Variants in MYBL1 observed in about 807,000 individuals in gnomAD.
The protein encoded by MYBL1 is myb-related protein A.
A neutral mutation model predicts 96.3 loss-of-function variants in MYBL1; 17 were observed. The observed-to-expected ratio is 0.18, with a 90% CI of 0.12 to 0.26. MYBL1 has a LOEUF of 0.26. Ranked by LOEUF, MYBL1 falls within the 10% of genes least tolerant of loss-of-function variation. The probability of loss-of-function intolerance (pLI) is 1.00; values close to 1 mark genes in which losing one functional copy is unlikely to be tolerated. For missense variants in MYBL1, 701 were observed against 882.9 expected, an observed-to-expected ratio of 0.79 and a Z score of 2.61; for synonymous variants, 282 against 292.7, an observed-to-expected ratio of 0.96 and a Z score of 0.37.
At chr8:66,566,833 G>A in intron 13 of MYBL1, 43 bp downstream of exon 13, 2 of 1,577,756 alleles carry the variant, frequency 1.3e-6, no homozygotes, top group Non-Finnish European at 1.7e-6. Context: ...AAAGTCTCTT[G>A]GATACAATAA....
At position 66,597,398 on chromosome 8, in the gene MYBL1, C is replaced by T. The variant is rs369808882; in HGVS notation, c.444G>A (p.Arg148=). The change falls in exon 5 of 16, where the codon AGG becomes AGA. Residue 148 remains arginine (R), a synonymous_variant. Coordinates refer to ENST00000522677, the MANE Select transcript of MYBL1 (RefSeq NM_001080416.4). ...ACCGCTTATGTGCTTCATAGATGAT[C>T]CTGTCCTCCTCTTCTGTCCAGGAAG... is the stretch of plus-strand genomic sequence containing the variant. The part of the protein sequence containing the change: ...KKSSWTEEED[R]IIYEAHKRLG... 6 of 1,612,594 alleles carry T rather than the reference C, an allele frequency of 3.7e-6. No homozygotes were observed. The African/African-American group carries it at 5.3e-5, about 14-fold the overall frequency.
At position 66,566,863 on chromosome 8, in the gene MYBL1, A is replaced by G. The variant is rs72652786; in HGVS notation, c.1845+13T>C. The G allele has an allele frequency of 0.013, 20,117 of 1,594,966 alleles. 162 individuals are homozygous for G. Among genetic ancestry groups the G allele is most frequent in the Non-Finnish European group, 0.015 (17,289 of 1,163,536 alleles). On this transcript the variant is annotated intron_variant, in intron 13 of 15. Coordinates refer to ENST00000522677, the MANE Select transcript of MYBL1 (RefSeq NM_001080416.4). ...CAATAAGACTTTTATTAACAATAAT[A>G]CTAGAAGATTACCTCTTGTTTGCAG...
intron 10 of MYBL1, 68 bp from the exon 11 acceptor site, chr8:66,573,574 A>T: frequency 7.7e-7 from 1 of 1,294,944 alleles, no homozygotes; most frequent in Non-Finnish European, 1.0e-6. Context: ...TATTAAACTG[A>T]TAAGATTTTC....
chr8:66,570,995 AG>A (rs1808707531), intron 12 of MYBL1, among the ~76,000 whole-genome samples: 1 of 152,198 alleles, frequency 6.6e-6, no homozygotes. Flanking sequence ...TTTGAAAAAA[AG>A]ACTAGAAGAT....
chr8:66,594,927 T>C (rs1809791908), intron 6 of MYBL1, among the ~76,000 whole-genome samples: 2 of 152,170 alleles, frequency 1.3e-5, no homozygotes, highest in Admixed American at 1.3e-4. Context: ...AACCAAGAAT[T>C]GCTCATTGTG....
chr8:66,608,455 T>C (rs1328255684), intron 1 of MYBL1, among the ~76,000 whole-genome samples: 1 of 152,108 alleles, frequency 6.6e-6, no homozygotes, highest in Non-Finnish European at 1.5e-5. Context: ...ATATGAGTAT[T>C]GAAAAGACAA....
chr8:66,568,876 T>G (rs957130110), intron 12 of MYBL1, among the ~76,000 whole-genome samples: 1 of 151,670 alleles, frequency 6.6e-6, no homozygotes, highest in Non-Finnish European at 1.5e-5. Context: ...AATACAAAAA[T>G]TAGCCAGGGT....
Position 66,596,489 on chromosome 8 carries a change from A to G in MYBL1, c.513-732T>C, listed in dbSNP as rs115111406. Among the ~76,000 whole-genome samples the G allele has an allele frequency of 2.3e-3, 353 of 152,304 alleles. 2 individuals carry two copies. The highest frequency in any genetic ancestry group is 7.0e-3 in the African/African-American group (293 of 41,584). On this transcript the variant is annotated intron_variant, in intron 5 of 15. Transcript: ENST00000522677. ...CACTAAGCTAGGTTCTATGAAAAGT[A>G]AGAAGACGTATAAGAGATTAAAAGC...
intron 12 of MYBL1, among the ~76,000 whole-genome samples, chr8:66,568,291 T>C (rs1197319649): frequency 6.6e-6 from 1 of 152,138 alleles, no homozygotes; most frequent in Non-Finnish European, 1.5e-5. Flanking sequence ...TACTTATTTA[T>C]TTATTGAGAT....
At chr8:66,575,977 T>G in intron 10 of MYBL1, 30 bp downstream of exon 10, 1 of 1,584,288 alleles carries the variant, frequency 6.3e-7, no homozygotes, top group East Asian at 2.2e-5. Context: ...CATTGACATT[T>G]AGAAACATAA....
In MYBL1 at chr8:66,588,560, G is replaced by A. The variant is rs111390434; in HGVS notation, c.867+3880C>T. Among the ~76,000 whole-genome samples the A allele has an allele frequency of 9.8e-3, 1,484 of 152,078 alleles. 21 individuals are homozygous for A. Among genetic ancestry groups the A allele is most frequent in the African/African-American group, 0.034 (1,401 of 41,466 alleles). ...CTCCCAAAGTGTTGGGATTACAGGCGTTGAGTCACTACATTCGGCCCTAAA... is the reference window on the plus strand; with the variant it reads ...CTCCCAAAGTGTTGGGATTACAGGCATTGAGTCACTACATTCGGCCCTAAA... On this transcript the variant is annotated intron_variant, in intron 8 of 15. Coordinates refer to ENST00000522677, the MANE Select transcript of MYBL1 (RefSeq NM_001080416.4).
chr8:66,565,914 A>C, intron 15 of MYBL1, 150 bp downstream of exon 15: 1 of 595,668 alleles, frequency 1.7e-6, no homozygotes, highest in Non-Finnish European at 2.8e-6. Context: ...TCAAACCCAA[A>C]TGTGAGTGAT....
chr8:66,573,469 A>G lies in MYBL1; in HGVS notation c.1508T>C (p.Ile503Thr), dbSNP rs1808815995. Residue 503 changes from isoleucine to threonine, a missense_variant, in exon 11 of 16, where the codon ATA becomes ACA. Coordinates refer to ENST00000522677, the MANE Select transcript of MYBL1 (RefSeq NM_001080416.4). ...GGTTGATGTAAATGAAGGATTTTCT[A>G]TATTAAGTTGTTCATTACCAGGACA... ...NTCPGNEQLN[I>T]ENPSFTSTPI... 8.1e-6 allele frequency: 13 copies of G among 1,610,620 alleles called. No individual in the cohort carries two copies. Among genetic ancestry groups the G allele is most frequent in the Non-Finnish European group, 1.1e-5 (13 of 1,178,496 alleles).
chr8:66,565,701 T>C (rs1808477023), intron 15 of MYBL1, among the ~76,000 whole-genome samples: 1 of 152,108 alleles, frequency 6.6e-6, no homozygotes, highest in South Asian at 2.1e-4. Flanking sequence ...ACCAACAAAA[T>C]CATGCTGAAA....
At chr8:66,591,322 G>A (rs1809634442) in intron 8 of MYBL1, among the ~76,000 whole-genome samples, 1 of 151,852 alleles carries the variant, frequency 6.6e-6, no homozygotes. Flanking sequence ...ACTCCAGCCT[G>A]GGCAACAGAG....
At chr8:66,593,933 C>T (rs1414871051) in intron 6 of MYBL1, among the ~76,000 whole-genome samples, 4 of 151,840 alleles carry the variant, frequency 2.6e-5, no homozygotes, top group Admixed American at 2.6e-4. Context: ...CCCAGGAGTC[C>T]AAGACCAGCC....
At chr8:66,588,104 C>A (rs1809491286) in intron 8 of MYBL1, among the ~76,000 whole-genome samples, 1 of 152,036 alleles carries the variant, frequency 6.6e-6, no homozygotes, top group South Asian at 2.1e-4. Context: ...CAATCACTTT[C>A]AGGAGACAGC....
intron 5 of MYBL1, among the ~76,000 whole-genome samples, chr8:66,596,202 T>A (rs1439699978): frequency 6.6e-6 from 1 of 152,072 alleles, no homozygotes; most frequent in Non-Finnish European, 1.5e-5. Flanking sequence ...AAAAAGAGCA[T>A]TCCAGATAAA....
At chr8:66,603,607 C>T (rs144740244) in intron 1 of MYBL1, among the ~76,000 whole-genome samples, 1,798 of 152,176 alleles carry the variant, frequency 0.012, 37 homozygotes, top group African/African-American at 0.039. Flanking sequence ...CCTCCCACCT[C>T]AGTCTCCCGA....
Sources: allele counts gnomAD v4.1 joint callset (sites outside exome capture counted in the v4.1 genomes callset), GRCh38; gene constraint gnomAD v4.1.1; transcripts MANE v1.5; gene names NCBI Gene and HGNC (gene_info 2026-07-23, HGNC 2026-07-21).